Variants in CHD4 observed in about 807,000 individuals in gnomAD.
The protein encoded by CHD4 is chromodomain helicase DNA binding protein 4.
CHD4 carries 35 observed loss-of-function variants against 235.5 expected under a neutral mutation model. The observed-to-expected ratio is 0.15, with a 90% CI of 0.11 to 0.20. The LOEUF (loss-of-function observed/expected upper bound fraction) is 0.20, where lower values mean the gene tolerates loss of function less well. CHD4 is among the 10% of genes least tolerant of loss of function. The probability of loss-of-function intolerance (pLI) is 1.00; values close to 1 mark genes in which losing one functional copy is unlikely to be tolerated. For synonymous variants in CHD4, 900 were observed against 850.2 expected (o/e 1.06, Z -1.02); for missense variants, 1,329 against 2,432.3 (o/e 0.55, Z 9.54).
intron 12 of CHD4, among the ~76,000 whole-genome samples, chr12:6,596,997 C>T (rs1299179421): frequency 6.7e-6 from 1 of 149,744 alleles, no homozygotes; most frequent in Non-Finnish European, 1.5e-5. Context: ...AGGCCGAGTG[C>T]GGCGGCTCAC....
Position 6,593,426 on chromosome 12 carries a change from G to A in CHD4, c.2504C>T (p.Ser835Phe). ...CCTCCCCTGAGATACCTTCATGCGG[G>A]AGGCCTTCTTGCCACCACGAATGGC... ...DNAIRGGKKASRMKKEASVKF... is the reference protein window; with the variant it reads ...DNAIRGGKKAFRMKKEASVKF... Residue 835 changes from serine to phenylalanine, a missense_variant, in exon 16 of 40, where the codon TCC becomes TTC. By Grantham distance (155) the Ser-to-Phe change is radical. Transcript: ENST00000544040. This position sits in a 1 kb window ranked among gnomAD's most constrained non-coding sequence, Gnocchi z 4.9. 1.9e-6 allele frequency: 3 copies of A among 1,614,082 alleles called. No homozygotes were observed. The highest frequency in any genetic ancestry group is 2.5e-6 in the Non-Finnish European group (3 of 1,179,972).
At chr12:6,581,879 T>C (rs1197421773) in intron 30 of CHD4, 65 bp from the exon 31 acceptor site, 1 of 1,479,298 alleles carries the variant, frequency 6.8e-7, no homozygotes, top group Non-Finnish European at 9.0e-7. Context: ...CTATTGGCCT[T>C]CCAGTCTCCG....
intron 12 of CHD4, 124 bp downstream of exon 12, chr12:6,597,769 AC>A: frequency 1.1e-6 from 1 of 883,460 alleles, no homozygotes; most frequent in Non-Finnish European, 1.8e-6. Flanking sequence ...TGTCTCAAAA[AC>A]AAAAAACAAA....
At position 6,581,637 on chromosome 12, in the gene CHD4, AG is replaced by A. The variant is rs778203096; in HGVS notation, c.4681+11del. 1 of 1,614,022 alleles carries A rather than the reference AG, an allele frequency of 6.2e-7. No individual in the cohort carries two copies. Among genetic ancestry groups the A allele is most frequent in the East Asian group, 2.2e-5 (1 of 44,884 alleles). ...AGAGAGGGACAGAAAATGATAGGAC[AG>A]GCAGACTTACCAGCAGGTGGGACAG... is the stretch of plus-strand genomic sequence containing the variant. On this transcript the variant is annotated intron_variant, in intron 31 of 39. Coordinates refer to ENST00000544040, the MANE Select transcript of CHD4 (RefSeq NM_001273.5).
At chr12:6,587,292 A>T in intron 25 of CHD4, 92 bp downstream of exon 25, 5 of 1,326,722 alleles carry the variant, frequency 3.8e-6, no homozygotes, top group Non-Finnish European at 4.2e-6. Context: ...TTGCCTACAG[A>T]TATTTTCCAC....
intron 3 of CHD4, 52 bp from the exon 4 acceptor site, chr12:6,602,227 C>T (rs1457290753): frequency 6.2e-7 from 1 of 1,603,960 alleles, no homozygotes; most frequent in African/African-American, 1.3e-5. Context: ...ATGCTACACA[C>T]ATGCTGACCT....
chr12:6,602,408 T>C lies in CHD4; in HGVS notation c.190A>G (p.Lys64Glu). 1 of 1,614,120 alleles carries C rather than the reference T, an allele frequency of 6.2e-7. No individual in the cohort carries two copies. Among genetic ancestry groups the C allele is most frequent in the South Asian group, 1.1e-5 (1 of 91,076 alleles). Reference protein sequence around the residue: ...KKKPKKPRDPKIPKSKRQKKE... With the variant: ...KKKPKKPRDPEIPKSKRQKKE... ...TTTTGGCGCTTGCTCTTAGGGATTT[T>C]AGGGTCCCGAGGTTTCTTAGGCTTT... Residue 64 changes from lysine (K) to glutamate (E), a missense_variant, in exon 3 of 40, where the codon AAA becomes GAA. Coordinates refer to ENST00000544040, the MANE Select transcript of CHD4 (RefSeq NM_001273.5).
rs1204471972 is a variant in CHD4 at position 6,601,264 on chromosome 12, C to G, written c.799+25G>C. On this transcript the variant is annotated intron_variant, in intron 6 of 39. Transcript: ENST00000544040. ...ATCTTAAGCCCACACTAGACACCCC[C>G]ACTCCCATTTGAACCCCATTTCACC... 3 of 1,609,296 alleles carry G rather than the reference C, an allele frequency of 1.9e-6. No individual in the cohort carries two copies. In the South Asian group the frequency reaches 3.3e-5, roughly 18 times the overall value.
Position 6,583,070 on chromosome 12 carries a change from C to A in CHD4, c.4104G>T (p.Val1368=). 1 of 1,574,404 alleles carries A rather than the reference C, an allele frequency of 6.4e-7. No individual in the cohort carries two copies. The highest frequency in any genetic ancestry group is 8.6e-7 in the Non-Finnish European group (1 of 1,161,304). Residue 1368 remains valine (V), a synonymous_variant, in exon 27 of 40, where the codon GTG becomes GTT. Coordinates refer to ENST00000544040, the MANE Select transcript of CHD4 (RefSeq NM_001273.5). The stretch of plus-strand genomic sequence containing the variant: ...AGTCTTCATCACCTTCCTCTGAAGC[C>A]ACTGAGTAATCGGACTGGTTGTCGG... ...DQSDNQSDYS[V]ASEEGDEDFD... is the part of the protein sequence containing the mutation.
intron 25 of CHD4, 55 bp from the exon 26 acceptor site, chr12:6,583,433 AC>A (rs1425219832): frequency 2.0e-6 from 3 of 1,467,580 alleles, no homozygotes; most frequent in Non-Finnish European, 1.9e-6. Context: ...ACCACCAGCT[AC>A]CCCTGGTCCT....
At chr12:6,596,942 G>A (rs956177069) in intron 12 of CHD4, among the ~76,000 whole-genome samples, 3 of 144,694 alleles carry the variant, frequency 2.1e-5, no homozygotes, top group African/African-American at 5.2e-5. Context: ...CTGGGCCACA[G>A]AGCAAGACTC....
At chr12:6,601,162 C>CA (rs1411606186) in intron 6 of CHD4, 109 bp from the exon 7 acceptor site, 6 of 1,524,162 alleles carry the variant, frequency 3.9e-6, no homozygotes, top group East Asian at 2.3e-5. Context: ...AATTTCCCTC[C>CA]AAAATCCAAG....
chr12:6,596,467 T>C (rs188274374), intron 12 of CHD4, among the ~76,000 whole-genome samples: 2 of 146,238 alleles, frequency 1.4e-5, no homozygotes, highest in Admixed American at 1.4e-4. Context: ...CAGGCCAACA[T>C]GGCGAAACCC....
chr12:6,606,465 G>T lies in CHD4; in HGVS notation c.-78-14C>A, dbSNP rs71584859. On this transcript the variant is annotated splice_polypyrimidine_tract_variant and intron_variant, in intron 1 of 39. Transcript: ENST00000544040. ...TGGCCCGAGTCACTGTGCGGGGGAG[G>T]GGGGAGAAACACAGAACAGTCAGTG... 12 of 675,178 alleles carry T rather than the reference G, an allele frequency of 1.8e-5. No homozygotes were observed. Among genetic ancestry groups the T allele is most frequent in the Non-Finnish European group, 3.0e-5 (12 of 403,828 alleles). 41.8% of individuals were successfully genotyped at this position (675,178 alleles called of 1,614,324 possible).
intron 25 of CHD4, chr12:6,584,075 AAAC>A (rs1948240007): frequency 6.6e-6 from 1 of 152,214 alleles, no homozygotes; most frequent in Non-Finnish European, 1.5e-5. Context: ...CTGTGGATTC[AAAC>A]AACCATAGAT....
chr12:6,600,842 C>T (rs886398314), intron 7 of CHD4, 84 bp downstream of exon 7: 17 of 1,519,608 alleles, frequency 1.1e-5, no homozygotes, highest in Non-Finnish European at 1.5e-5. Flanking sequence ...TACGTGCCTA[C>T]TATGAAGGAC....
At chr12:6,572,614 T>C (rs968219412) in intron 38 of CHD4, among the ~76,000 whole-genome samples, 1 of 150,246 alleles carries the variant, frequency 6.7e-6, no homozygotes, top group African/African-American at 2.5e-5. Context: ...GCCTGTGCAA[T>C]GGCACAATCT....
chr12:6,575,961 G>A (rs546740265), intron 37 of CHD4, among the ~76,000 whole-genome samples: 5 of 152,018 alleles, frequency 3.3e-5, no homozygotes, highest in African/African-American at 9.6e-5. Flanking sequence ...AAAAATCTCC[G>A]TCGCATTCTT....
At chr12:6,571,054 T>C in intron 38 of CHD4, 22 bp from the exon 39 acceptor site, 3 of 1,610,762 alleles carry the variant, frequency 1.9e-6, no homozygotes, top group East Asian at 2.2e-5. Context: ...GAAAAAGAGG[T>C]GGTGAGCTGT....
Sources: allele counts gnomAD v4.1 joint callset (sites outside exome capture counted in the v4.1 genomes callset), GRCh38; gene constraint gnomAD v4.1.1; non-coding constraint Gnocchi (gnomAD v3.1); transcripts MANE v1.5; gene names NCBI Gene and HGNC (gene_info 2026-07-23, HGNC 2026-07-21).